Variants in RGS7BP observed in about 807,000 individuals in gnomAD.
The protein encoded by RGS7BP is regulator of G protein signaling 7-binding protein.
RGS7BP carries 9 observed loss-of-function variants against 31.3 expected under a neutral mutation model. The ratio of observed to expected loss-of-function variants is 0.29; its 90% CI spans 0.17 to 0.50. The LOEUF (loss-of-function observed/expected upper bound fraction) is 0.50, where lower values mean the gene tolerates loss of function less well. RGS7BP is among the 20% of genes least tolerant of loss of function. The probability of loss-of-function intolerance (pLI) is 0.98; values close to 1 mark genes in which losing one functional copy is unlikely to be tolerated. For synonymous variants in RGS7BP, 115 were observed against 120.1 expected, an observed-to-expected ratio of 0.96 and a Z score of 0.28; for missense variants, 274 against 322.0, an observed-to-expected ratio of 0.85 and a Z score of 1.14.
At chr5:64,593,826 C>A (rs568542121) in intron 3 of RGS7BP, among the ~76,000 whole-genome samples, 87 of 152,232 alleles carry the variant, frequency 5.7e-4, no homozygotes, top group African/African-American at 1.9e-3. Flanking sequence ...AGGTTTAAAA[C>A]CCAGTTCTCG....
rs138264704 is a variant in RGS7BP at position 64,519,586 on chromosome 5, T to A, written c.332+11709T>A. On this transcript the variant is annotated intron_variant, in intron 2 of 5. Transcript: ENST00000334025. ...AGCAATGTCCTTTCTCTTTTAGTTA[T>A]GCAGTCATAGCCTCCTGCCATAGGT... Among the ~76,000 whole-genome samples, 357 of 152,352 alleles carry A rather than the reference T, an allele frequency of 2.3e-3. 3 individuals carry two copies. The highest frequency in any genetic ancestry group is 7.8e-3 in the African/African-American group (326 of 41,576).
chr5:64,508,441 C>T (rs902700386), intron 2 of RGS7BP, among the ~76,000 whole-genome samples: 2 of 152,166 alleles, frequency 1.3e-5, no homozygotes, highest in African/African-American at 4.8e-5. Context: ...GGGAAATTCA[C>T]ATATCTCAAT....
intron 2 of RGS7BP, among the ~76,000 whole-genome samples, chr5:64,571,010 C>A (rs2111887588): frequency 6.6e-6 from 1 of 152,070 alleles, no homozygotes; most frequent in African/African-American, 2.4e-5. Context: ...ATACATTTTG[C>A]CAAATGTATA....
chr5:64,532,030 T>C (rs538347161), intron 2 of RGS7BP, among the ~76,000 whole-genome samples: 2 of 152,318 alleles, frequency 1.3e-5, no homozygotes, highest in Non-Finnish European at 2.9e-5. Context: ...AAATTGCTCA[T>C]TGCTTATCGG....
chr5:64,550,594 T>C (rs1017319828), intron 2 of RGS7BP, among the ~76,000 whole-genome samples: 1 of 151,984 alleles, frequency 6.6e-6, no homozygotes, highest in Non-Finnish European at 1.5e-5. Context: ...TTTATTATTA[T>C]TATACTTTAA....
rs1287765683 is a variant in RGS7BP, at chr5:64,609,941, A to T, written c.*689A>T. The T allele has an allele frequency of 6.6e-6, 1 of 152,410 alleles. No homozygotes were observed. The highest frequency in any genetic ancestry group is 6.6e-5 in the Admixed American group (1 of 15,228). 9.4% of individuals were successfully genotyped at this position (152,410 alleles called of 1,614,324 possible). ...TTCGTACAAATGCATATGGGCAACTAATTTCTTTTTGATCCAATGATGTCT... is the reference window on the plus strand; with the variant it reads ...TTCGTACAAATGCATATGGGCAACTTATTTCTTTTTGATCCAATGATGTCT... On this transcript the variant is annotated 3_prime_UTR_variant, in exon 6 of 6. Coordinates refer to ENST00000334025, the MANE Select transcript of RGS7BP (RefSeq NM_001029875.3).
Position 64,572,266 on chromosome 5 carries a change from T to C in RGS7BP, c.333-3508T>C, listed in dbSNP as rs566826901. On this transcript the variant is annotated intron_variant, in intron 2 of 5. Coordinates refer to ENST00000334025, the MANE Select transcript of RGS7BP (RefSeq NM_001029875.3). ...CTTAGCTCTTCTTTCATTCTCCATG[T>C]TTCAGCTCTTACTCATTTGTTATGA... Among the ~76,000 whole-genome samples, 113 of 152,312 alleles carry C rather than the reference T, an allele frequency of 7.4e-4. 2 individuals carry two copies. In the South Asian group the frequency reaches 0.023, roughly 31 times the overall value.
intron 2 of RGS7BP, among the ~76,000 whole-genome samples, chr5:64,531,259 C>G (rs1437139772): frequency 6.6e-6 from 1 of 152,200 alleles, no homozygotes; most frequent in Non-Finnish European, 1.5e-5. Flanking sequence ...CAAAACTATA[C>G]GTCCTTCTAT....
chr5:64,594,753 T>G lies in RGS7BP; in HGVS notation c.507T>G (p.Ile169Met). The change falls in exon 4 of 6, where the codon ATT (isoleucine) becomes ATG (methionine). Residue 169 changes from isoleucine to methionine, a missense_variant. Transcript: ENST00000334025. ...GAACCAAGAGTTTGGATTGCAAAATTGAGGAGAGTGCTGAAACACCTGCCC... is the reference window on the plus strand; with the variant it reads ...GAACCAAGAGTTTGGATTGCAAAATGGAGGAGAGTGCTGAAACACCTGCCC... ...GGGTKSLDCK[I>M]EESAETPALE... 6.2e-7 allele frequency: 1 copy of G among 1,613,748 alleles called. No homozygotes were observed.
chr5:64,585,670 C>T (rs1742727849), intron 3 of RGS7BP, among the ~76,000 whole-genome samples: 1 of 152,132 alleles, frequency 6.6e-6, no homozygotes, highest in Non-Finnish European at 1.5e-5. Context: ...GGCAATTTCT[C>T]ACGAATATAA....
intron 2 of RGS7BP, among the ~76,000 whole-genome samples, chr5:64,567,526 CCTGT>C (rs1742200504): frequency 6.6e-6 from 1 of 152,072 alleles, no homozygotes; most frequent in Non-Finnish European, 1.5e-5. Context: ...TACATATCTA[CCTGT>C]CTGTTTATCC....
chr5:64,556,614 T>G (rs929947182), intron 2 of RGS7BP, among the ~76,000 whole-genome samples: 23 of 152,146 alleles, frequency 1.5e-4, no homozygotes, highest in African/African-American at 5.5e-4. Flanking sequence ...GTCGCCATAA[T>G]ACTGTTTTCT....
chr5:64,540,261 A>G (rs1029391405), intron 2 of RGS7BP, among the ~76,000 whole-genome samples: 1 of 152,154 alleles, frequency 6.6e-6, no homozygotes, highest in East Asian at 1.9e-4. Flanking sequence ...CAAGTATATA[A>G]TTTGTTGTTT....
chr5:64,592,093 T>C (rs1742934790), intron 3 of RGS7BP, among the ~76,000 whole-genome samples: 1 of 152,148 alleles, frequency 6.6e-6, no homozygotes, highest in African/African-American at 2.4e-5. Flanking sequence ...ATAAAGTCGG[T>C]ACTATCGGTA....
At chr5:64,527,178 G>T (rs1037342592) in intron 2 of RGS7BP, among the ~76,000 whole-genome samples, 1 of 152,208 alleles carries the variant, frequency 6.6e-6, no homozygotes, top group Non-Finnish European at 1.5e-5. Flanking sequence ...AGAAGCTAAT[G>T]CTGAGAGGGT....
At position 64,506,517 on chromosome 5, in the gene RGS7BP, C is replaced by A; in HGVS notation, c.-108C>A. Reference sequence around the variant, plus strand: ...CAGCCCCAGCACTGTGAGCTGCGCGCCTCAGGTCCGGGCTCCGGCTGCTTG... The same window carrying A: ...CAGCCCCAGCACTGTGAGCTGCGCGACTCAGGTCCGGGCTCCGGCTGCTTG... On this transcript the variant is annotated 5_prime_UTR_variant, in exon 1 of 6. Transcript: ENST00000334025. This position sits in a 1 kb window ranked among gnomAD's most constrained non-coding sequence, Gnocchi z 4.6. 1.0e-6 allele frequency: 1 copy of A among 956,566 alleles called. No homozygotes were observed. Among genetic ancestry groups the A allele is most frequent in the Non-Finnish European group, 1.5e-6 (1 of 647,114 alleles). 59.3% of individuals were successfully genotyped at this position (956,566 alleles called of 1,614,324 possible). A position where few individuals can be genotyped will look rare whatever the true frequency, so the allele number is the denominator to read the frequency against.
intron 2 of RGS7BP, among the ~76,000 whole-genome samples, chr5:64,557,399 A>C (rs937885757): frequency 6.6e-6 from 1 of 152,042 alleles, no homozygotes; most frequent in African/African-American, 2.4e-5. Context: ...CCCACTCTCT[A>C]ATGAACGATG....
chr5:64,577,278 A>T (rs1451250656), intron 3 of RGS7BP, among the ~76,000 whole-genome samples: 1 of 151,920 alleles, frequency 6.6e-6, no homozygotes, highest in Non-Finnish European at 1.5e-5. Context: ...CTCTACTAAA[A>T]ATACAAAAAC....
At chr5:64,598,460 G>C in intron 5 of RGS7BP, 25 bp downstream of exon 5, 1 of 1,440,546 alleles carries the variant, frequency 6.9e-7, no homozygotes, top group Non-Finnish European at 9.8e-7. Context: ...TTCTCTTTGA[G>C]GCAGAGGATG....
Sources: allele counts gnomAD v4.1 joint callset (sites outside exome capture counted in the v4.1 genomes callset), GRCh38; gene constraint gnomAD v4.1.1; non-coding constraint Gnocchi (gnomAD v3.1); transcripts MANE v1.5; gene names NCBI Gene and HGNC (gene_info 2026-07-23, HGNC 2026-07-21).